The following PTPRM variants were observed in gnomAD, a reference collection of about 807,000 sequenced individuals.
The protein encoded by PTPRM is receptor-type tyrosine-protein phosphatase mu.
PTPRM carries 47 observed loss-of-function variants against 186.7 expected under a neutral mutation model. The ratio of observed to expected loss-of-function variants is 0.25; its 90% confidence interval spans 0.20 to 0.32. The LOEUF (loss-of-function observed/expected upper bound fraction) is 0.32, where lower values mean the gene tolerates loss of function less well. Among genes scored for constraint, PTPRM ranks in the 10% least tolerant of loss-of-function variants. The pLI is 1.00. For synonymous variants in PTPRM, 668 were observed against 674.9 expected (o/e 0.99, Z 0.16); for missense variants, 1,494 against 1,865.0 (o/e 0.80, Z 3.66).
At chr18:8,366,027 C>T (rs189439350) in intron 23 of PTPRM, among the ~76,000 whole-genome samples, 244 of 152,290 alleles carry the variant, frequency 1.6e-3, no homozygotes, top group African/African-American at 5.5e-3. Flanking sequence ...ACCTCTGTCC[C>T]ACCCCAGAAA....
At chr18:7,858,077 T>A (rs1427309638) in intron 2 of PTPRM, among the ~76,000 whole-genome samples, 5 of 152,156 alleles carry the variant, frequency 3.3e-5, no homozygotes, top group Non-Finnish European at 5.9e-5. Context: ...CCATTAAGCT[T>A]AGGTTCATCA....
At chr18:8,111,620 A>G (rs1351899776) in intron 11 of PTPRM, among the ~76,000 whole-genome samples, 1 of 151,968 alleles carries the variant, frequency 6.6e-6, no homozygotes, top group African/African-American at 2.4e-5. Context: ...CTCAAAAAAA[A>G]AAATTATTTT....
At chr18:8,299,492 C>G (rs1034634432) in intron 20 of PTPRM, among the ~76,000 whole-genome samples, 2 of 151,404 alleles carry the variant, frequency 1.3e-5, no homozygotes, top group Admixed American at 6.6e-5. Context: ...GAGGCTGAGG[C>G]AAGAGAATTG....
intron 22 of PTPRM, among the ~76,000 whole-genome samples, chr18:8,322,455 A>G (rs993185576): frequency 6.6e-6 from 1 of 152,170 alleles, no homozygotes; most frequent in Non-Finnish European, 1.5e-5. Flanking sequence ...CTAATATATG[A>G]TGACCCAATA....
chr18:8,251,775 T>C (rs2094530152), intron 17 of PTPRM: 1 of 152,210 alleles, frequency 6.6e-6, no homozygotes, highest in Non-Finnish European at 1.5e-5. Flanking sequence ...TAAATTTTCT[T>C]CAGAGCTGAA....
chr18:7,783,502 C>T (rs1017045116), intron 2 of PTPRM, among the ~76,000 whole-genome samples: 4 of 152,252 alleles, frequency 2.6e-5, no homozygotes, highest in South Asian at 2.1e-4. Flanking sequence ...GAAAGTCCAA[C>T]GCCTGAGGAA....
intron 1 of PTPRM, among the ~76,000 whole-genome samples, chr18:7,761,285 G>A (rs1453325268): frequency 6.6e-6 from 1 of 152,142 alleles, no homozygotes; most frequent in African/African-American, 2.4e-5. Context: ...TTTATGGCCT[G>A]AGTATTGAAA....
chr18:7,874,706 T>G (rs907108786), intron 2 of PTPRM, among the ~76,000 whole-genome samples: 2 of 152,156 alleles, frequency 1.3e-5, no homozygotes, highest in African/African-American at 4.8e-5. Flanking sequence ...AAAATAACTT[T>G]CCACCCAGCC....
intron 13 of PTPRM, among the ~76,000 whole-genome samples, chr18:8,122,648 TAA>T (rs2092217367): frequency 6.6e-6 from 1 of 152,196 alleles, no homozygotes; most frequent in Non-Finnish European, 1.5e-5. Context: ...ACAAAATACA[TAA>T]AGATATATTC....
chr18:8,195,413 A>G (rs994974742), intron 14 of PTPRM, among the ~76,000 whole-genome samples: 1 of 152,192 alleles, frequency 6.6e-6, no homozygotes, highest in Admixed American at 6.5e-5. Context: ...AAAAAGAAAT[A>G]TAAAATCCTA....
At chr18:8,063,287 G>A (rs910636617) in intron 7 of PTPRM, among the ~76,000 whole-genome samples, 3 of 151,008 alleles carry the variant, frequency 2.0e-5, no homozygotes, top group African/African-American at 7.4e-5. Flanking sequence ...GCGCTTCCCA[G>A]GTGAGGCAAT....
At chr18:8,268,640 A>G (rs1175214397) in intron 19 of PTPRM, among the ~76,000 whole-genome samples, 5 of 152,126 alleles carry the variant, frequency 3.3e-5, no homozygotes, top group Non-Finnish European at 5.9e-5. Flanking sequence ...AGGATTAACC[A>G]ATATCCCCAG....
intron 7 of PTPRM, among the ~76,000 whole-genome samples, chr18:8,044,769 A>AG (rs1212001939): frequency 0.012 from 1,880 of 151,558 alleles, 147 homozygotes; most frequent in Admixed American, 0.11. Context: ...AAAAAAAAAA[A>AG]AAAAGAAAAA....
intron 1 of PTPRM, among the ~76,000 whole-genome samples, chr18:7,587,533 C>T (rs1177627411): frequency 2.0e-5 from 3 of 151,904 alleles, no homozygotes; most frequent in African/African-American, 7.3e-5. Flanking sequence ...GGATTTGTTG[C>T]CCAGTTATGC....
intron 7 of PTPRM, among the ~76,000 whole-genome samples, chr18:8,010,288 CT>C (rs1190537040): frequency 6.6e-6 from 1 of 151,982 alleles, no homozygotes; most frequent in Non-Finnish European, 1.5e-5. Context: ...AGGCATTTCC[CT>C]TTTCAAAAGC....
intron 19 of PTPRM, among the ~76,000 whole-genome samples, chr18:8,271,940 A>G (rs940321306): frequency 2.0e-5 from 3 of 152,128 alleles, no homozygotes; most frequent in African/African-American, 7.2e-5. Context: ...GGCTGAGCGC[A>G]GTGGCTCACG....
At chr18:7,645,702 A>T (rs1039174310) in intron 1 of PTPRM, among the ~76,000 whole-genome samples, 1 of 152,210 alleles carries the variant, frequency 6.6e-6, no homozygotes, top group African/African-American at 2.4e-5. Flanking sequence ...AAGACCAGCG[A>T]TGGTGCCATT....
At chr18:8,148,095 C>G (rs958843221) in intron 14 of PTPRM, among the ~76,000 whole-genome samples, 1 of 152,088 alleles carries the variant, frequency 6.6e-6, no homozygotes, top group Non-Finnish European at 1.5e-5. Context: ...GGATATTGGC[C>G]TGAAATTTTC....
intron 2 of PTPRM, among the ~76,000 whole-genome samples, chr18:7,883,465 G>C (rs1018762425): frequency 6.6e-6 from 1 of 152,156 alleles, no homozygotes; most frequent in Admixed American, 6.5e-5. Flanking sequence ...ATAGCAGATA[G>C]GTGATAAAAA....
Sources: gnomAD v4.1 joint callset for allele counts (sites outside exome capture counted in the v4.1 genomes callset) on GRCh38, gnomAD v4.1.1 for gene constraint, MANE v1.5 for transcripts, NCBI Gene and HGNC (gene_info 2026-07-23, HGNC 2026-07-21) for gene names.